PCDH9: variants seen among roughly 807,000 people sequenced by gnomAD.
The protein encoded by PCDH9 is protocadherin 9, also known as protocadherin-9.
A neutral mutation model predicts 70.6 loss-of-function variants in PCDH9; 24 were observed. The observed-to-expected ratio is 0.34, with a 90% CI of 0.25 to 0.48. The LOEUF is 0.48. Among genes scored for constraint, PCDH9 ranks in the 20% least tolerant of loss-of-function variants. The probability of loss-of-function intolerance (pLI) is 0.99; values close to 1 mark genes in which losing one functional copy is unlikely to be tolerated. For synonymous variants in PCDH9, 562 were observed against 558.5 expected (o/e 1.01, Z -0.09); for missense variants, 1,281 against 1,503.6 (o/e 0.85, Z 2.45).
chr13:66,354,304 A>C (rs77082507), intron 4 of PCDH9, among the ~76,000 whole-genome samples: 3,640 of 152,270 alleles, frequency 0.024, 140 homozygotes, highest in African/African-American at 0.083. Flanking sequence ...GCAGAAATAA[A>C]AGTTAAAGGT....
chr13:67,167,583 C>T (rs561900623), intron 2 of PCDH9, among the ~76,000 whole-genome samples: 1 of 152,226 alleles, frequency 6.6e-6, no homozygotes, highest in South Asian at 2.1e-4. Context: ...TTTTTCTTTA[C>T]AGTGTTGACA....
chr13:66,466,966 G>A (rs1229313915), intron 4 of PCDH9, among the ~76,000 whole-genome samples: 1 of 152,054 alleles, frequency 6.6e-6, no homozygotes, highest in Non-Finnish European at 1.5e-5. Flanking sequence ...GTTCCATAAA[G>A]CATCTCTCAC....
intron 2 of PCDH9, among the ~76,000 whole-genome samples, chr13:67,195,173 T>G (rs928686892): frequency 3.3e-5 from 5 of 150,836 alleles, no homozygotes; most frequent in Non-Finnish European, 7.4e-5. Context: ...TGAGACAGAG[T>G]CTCGCTCTTT....
intron 3 of PCDH9, among the ~76,000 whole-genome samples, chr13:66,704,523 G>C (rs1377844581): frequency 6.6e-6 from 1 of 152,066 alleles, no homozygotes; most frequent in Non-Finnish European, 1.5e-5. Flanking sequence ...ATGACAATAA[G>C]GTAAGTCTCT....
At chr13:66,375,418 A>G (rs1956730838) in intron 4 of PCDH9, among the ~76,000 whole-genome samples, 2 of 151,906 alleles carry the variant, frequency 1.3e-5, no homozygotes, top group Non-Finnish European at 2.9e-5. Flanking sequence ...GTTTTTTGTT[A>G]ATGTAATAAG....
chr13:66,751,165 C>T (rs957080238), intron 3 of PCDH9, among the ~76,000 whole-genome samples: 3 of 152,074 alleles, frequency 2.0e-5, no homozygotes, highest in Non-Finnish European at 4.4e-5. Context: ...TAACAACATA[C>T]GTACCTTGCA....
chr13:66,851,074 A>C (rs1395207112), intron 3 of PCDH9, among the ~76,000 whole-genome samples: 1 of 152,238 alleles, frequency 6.6e-6, no homozygotes, highest in Admixed American at 6.5e-5. Flanking sequence ...TTTGAATATG[A>C]GGCAATGTAC....
intron 4 of PCDH9, among the ~76,000 whole-genome samples, chr13:66,390,567 CT>C (rs970859893): frequency 2.6e-5 from 4 of 152,084 alleles, no homozygotes; most frequent in African/African-American, 9.6e-5. Context: ...GAAACCCCAT[CT>C]ATACTAAAAA....
chr13:66,841,595 C>T (rs1468992440), intron 3 of PCDH9, among the ~76,000 whole-genome samples: 1 of 151,964 alleles, frequency 6.6e-6, no homozygotes, highest in Non-Finnish European at 1.5e-5. Context: ...TAAAATGATG[C>T]CATATTTGAA....
rs1343209136 is a variant in PCDH9 at position 67,172,825 on chromosome 13, G to A, written c.3036+52580C>T. 7.6e-5 allele frequency among the ~76,000 whole-genome samples: 11 copies of A among 145,194 alleles called. No homozygotes were observed. In the Admixed American group the frequency reaches 8.1e-4, roughly 11 times the overall value. ...CCCGGGAGGTGTAGGGTGCGGTGAG[G>A]CGAGATCACGCCACTGCAGTCCAGC... On this transcript the variant is annotated intron_variant, in intron 2 of 4. Transcript: ENST00000377865.
At chr13:66,474,883 G>C (rs1958691399) in intron 4 of PCDH9, among the ~76,000 whole-genome samples, 1 of 152,024 alleles carries the variant, frequency 6.6e-6, no homozygotes, top group East Asian at 1.9e-4. Context: ...TTCTGAGGTG[G>C]AGCAGAAGAC....
At chr13:66,976,851 T>C (rs1420136288) in intron 2 of PCDH9, among the ~76,000 whole-genome samples, 1 of 152,174 alleles carries the variant, frequency 6.6e-6, no homozygotes, top group African/African-American at 2.4e-5. Flanking sequence ...TTTGTTTTTA[T>C]CCATAGGACC....
intron 3 of PCDH9, among the ~76,000 whole-genome samples, chr13:66,821,535 G>T (rs1193616963): frequency 6.6e-6 from 1 of 152,042 alleles, no homozygotes; most frequent in Non-Finnish European, 1.5e-5. Flanking sequence ...CATAGAAAAA[G>T]TCAGTATTTT....
At chr13:67,125,831 GTATA>G (rs571391758) in intron 2 of PCDH9, among the ~76,000 whole-genome samples, 1 of 146,928 alleles carries the variant, frequency 6.8e-6, no homozygotes, top group African/African-American at 2.5e-5. Context: ...AAAAATGTGT[GTATA>G]TATATATGTG....
intron 4 of PCDH9, among the ~76,000 whole-genome samples, chr13:66,466,391 T>C (rs1327331849): frequency 6.6e-6 from 1 of 152,082 alleles, no homozygotes; most frequent in Non-Finnish European, 1.5e-5. Context: ...CTTATCTTGA[T>C]TTATGATGCC....
chr13:66,437,404 C>CAAAGAAAAA (rs758826196), intron 4 of PCDH9, among the ~76,000 whole-genome samples: 1,124 of 45,590 alleles, frequency 0.025, 66 homozygotes, highest in African/African-American at 0.075. Flanking sequence ...GACTCTGTCT[C>CAAAGAAAAA]AAAAAAAAAA....
chr13:67,140,038 C>CCA (rs869218015), intron 2 of PCDH9, among the ~76,000 whole-genome samples: 1 of 131,980 alleles, frequency 7.6e-6, no homozygotes, highest in Non-Finnish European at 1.6e-5. Context: ...CCCCCCCCCC[C>CCA]GCCCATTGTG....
chr13:66,940,583 A>G (rs2082991711), intron 2 of PCDH9, among the ~76,000 whole-genome samples: 1 of 152,134 alleles, frequency 6.6e-6, no homozygotes, highest in Non-Finnish European at 1.5e-5. Flanking sequence ...TTGAATAATA[A>G]AGAGCATCAA....
intron 4 of PCDH9, among the ~76,000 whole-genome samples, chr13:66,378,357 C>CTT (rs150448060): frequency 6.6e-6 from 1 of 151,154 alleles, no homozygotes; most frequent in African/African-American, 2.4e-5. Flanking sequence ...TGGGTAAGTG[C>CTT]TTTTTTTTTG....
Sources: gnomAD v4.1 joint callset for allele counts (sites outside exome capture counted in the v4.1 genomes callset) on GRCh38, gnomAD v4.1.1 for gene constraint, MANE v1.5 for transcripts, NCBI Gene and HGNC (gene_info 2026-07-23, HGNC 2026-07-21) for gene names.